Variants in SH3D19 observed in about 807,000 individuals in gnomAD.
SH3D19 encodes SH3 domain containing 19, also known as SH3 domain-containing protein 19.
SH3D19 carries 58 observed loss-of-function variants against 112.1 expected under a neutral mutation model. The ratio of observed to expected loss-of-function variants is 0.52; its 90% CI spans 0.42 to 0.64. The LOEUF is 0.64. SH3D19 is among the 30% of genes least tolerant of loss of function. The probability of loss-of-function intolerance (pLI) is 0.00; values close to 1 mark genes in which losing one functional copy is unlikely to be tolerated. For missense variants in SH3D19, 1,090 were observed against 1,263.4 expected (o/e 0.86, Z 2.08); for synonymous variants, 391 against 448.5 (o/e 0.87, Z 1.62).
chr4:151,221,462 C>A (rs145619644), intron 2 of SH3D19, among the ~76,000 whole-genome samples: 5 of 152,300 alleles, frequency 3.3e-5, no homozygotes, highest in African/African-American at 1.2e-4. Context: ...TCAGCAGATA[C>A]CCTGGACAGA....
At chr4:151,187,522 C>A in intron 2 of SH3D19, 59 bp from the exon 3 acceptor site, 1 of 1,031,544 alleles carries the variant, frequency 9.7e-7, no homozygotes, top group Non-Finnish European at 1.2e-6. Context: ...AAGAGCCATT[C>A]ATAAGGCCAA....
chr4:151,211,623 C>A (rs916078029), intron 2 of SH3D19, among the ~76,000 whole-genome samples: 27 of 151,538 alleles, frequency 1.8e-4, no homozygotes, highest in Admixed American at 3.3e-4. Context: ...TGTGCTATCC[C>A]AGGGACCACA....
rs147578665 is a variant in SH3D19, at chr4:151,293,543, G to A, written c.112+31698C>T. Reference sequence around the variant, plus strand: ...GCTAACCCTTATTAACCCCACCTGGGTTAGTAGCATCTGGATTGCCATTAC... The same window carrying A: ...GCTAACCCTTATTAACCCCACCTGGATTAGTAGCATCTGGATTGCCATTAC... On this transcript the variant is annotated intron_variant, in intron 1 of 19. Coordinates refer to ENST00000604030, the MANE Select transcript of SH3D19 (RefSeq NM_001378122.1). 6.7e-3 allele frequency among the ~76,000 whole-genome samples: 1,025 copies of A among 152,026 alleles called. 13 individuals carry two copies. The highest frequency in any genetic ancestry group is 0.023 in the African/African-American group (962 of 41,466).
intron 1 of SH3D19, among the ~76,000 whole-genome samples, chr4:151,246,379 T>G (rs905112124): frequency 6.6e-6 from 1 of 152,200 alleles, no homozygotes; most frequent in Non-Finnish European, 1.5e-5. Context: ...CCTAGCATTT[T>G]CCTTGCAATG....
At chr4:151,142,951 C>A (rs1362173810) in intron 12 of SH3D19, among the ~76,000 whole-genome samples, 1 of 152,130 alleles carries the variant, frequency 6.6e-6, no homozygotes, top group African/African-American at 2.4e-5. Flanking sequence ...AAAAGACTAA[C>A]TTTTGGCTGG....
At chr4:151,317,595 G>A (rs1034698829) in intron 1 of SH3D19, among the ~76,000 whole-genome samples, 1 of 152,196 alleles carries the variant, frequency 6.6e-6, no homozygotes, top group African/African-American at 2.4e-5. Context: ...GTCATAGGCT[G>A]ATCAACTCAC....
chr4:151,189,408 C>T (rs551035701), intron 2 of SH3D19, among the ~76,000 whole-genome samples: 2 of 152,112 alleles, frequency 1.3e-5, no homozygotes, highest in South Asian at 2.1e-4. Flanking sequence ...CCACCATGCC[C>T]GGCCAAGTTT....
intron 4 of SH3D19, among the ~76,000 whole-genome samples, chr4:151,177,957 C>T (rs1760213707): frequency 1.3e-5 from 2 of 152,174 alleles, no homozygotes; most frequent in Non-Finnish European, 2.9e-5. Context: ...GAGACAGGGC[C>T]TCACTCTGTT....
At chr4:151,320,012 C>T (rs1400513057) in intron 1 of SH3D19, among the ~76,000 whole-genome samples, 1 of 152,144 alleles carries the variant, frequency 6.6e-6, no homozygotes, top group Non-Finnish European at 1.5e-5. Context: ...TGTTTGTGAG[C>T]CTCAGTCTTT....
chr4:151,282,392 G>C, intron 1 of SH3D19: 1 of 1,613,826 alleles, frequency 6.2e-7, no homozygotes, highest in Middle Eastern at 1.6e-4. Flanking sequence ...GACCGGATGG[G>C]GAAAAGTTAA....
chr4:151,154,755 T>C (rs529019729), intron 9 of SH3D19, among the ~76,000 whole-genome samples: 5 of 152,060 alleles, frequency 3.3e-5, no homozygotes, highest in Admixed American at 3.3e-4. Flanking sequence ...TTTTGTATAA[T>C]ACTATTTCTT....
chr4:151,292,692 T>G (rs533980556), intron 1 of SH3D19, among the ~76,000 whole-genome samples: 1 of 152,376 alleles, frequency 6.6e-6, no homozygotes, highest in South Asian at 2.1e-4. Context: ...CCATTCATAC[T>G]TCTTTAAGTC....
chr4:151,257,545 C>CA (rs1772025123), intron 1 of SH3D19, among the ~76,000 whole-genome samples: 1 of 152,132 alleles, frequency 6.6e-6, no homozygotes, highest in Admixed American at 6.5e-5. Flanking sequence ...TAAAGGGTCT[C>CA]AACAACTATT....
At chr4:151,166,482 A>G (rs1224153083) in intron 7 of SH3D19, among the ~76,000 whole-genome samples, 1 of 150,700 alleles carries the variant, frequency 6.6e-6, no homozygotes, top group East Asian at 1.9e-4. Context: ...GTGGTTTGGA[A>G]AAATGACTAT....
intron 2 of SH3D19, among the ~76,000 whole-genome samples, chr4:151,190,420 C>A (rs937276378): frequency 6.6e-6 from 1 of 152,158 alleles, no homozygotes; most frequent in African/African-American, 2.4e-5. Context: ...GTCTTCTTGG[C>A]GGCTCCTCCC....
chr4:151,288,465 G>C (rs900105662), intron 1 of SH3D19, among the ~76,000 whole-genome samples: 6 of 152,128 alleles, frequency 3.9e-5, no homozygotes, highest in Non-Finnish European at 8.8e-5. Context: ...AGCAACTGTA[G>C]GCTGGGGGCA....
chr4:151,214,372 T>C (rs1766540571), intron 2 of SH3D19, among the ~76,000 whole-genome samples: 2 of 144,144 alleles, frequency 1.4e-5, no homozygotes, highest in Non-Finnish European at 3.1e-5. Flanking sequence ...CCGTTCTCAA[T>C]GGGCTGTTGG....
At chr4:151,224,414 G>A (rs1254861590) in intron 2 of SH3D19, among the ~76,000 whole-genome samples, 1 of 152,178 alleles carries the variant, frequency 6.6e-6, no homozygotes, top group East Asian at 1.9e-4. Context: ...GAAGGTAGAT[G>A]TAATGACATA....
At chr4:151,291,499 T>C in intron 1 of SH3D19, 1 of 1,329,774 alleles carries the variant, frequency 7.5e-7, no homozygotes, top group Non-Finnish European at 1.0e-6. Context: ...TATTTACAAT[T>C]TGAAATGATT....
Sources: allele counts gnomAD v4.1 joint callset (sites outside exome capture counted in the v4.1 genomes callset), GRCh38; gene constraint gnomAD v4.1.1; transcripts MANE v1.5; gene names NCBI Gene and HGNC (gene_info 2026-07-23, HGNC 2026-07-21).